Variants in STRN3 observed in about 807,000 individuals in gnomAD.
The protein encoded by STRN3 is striatin 3, also known as striatin-3.
Under a neutral mutation model 95.6 loss-of-function variants are expected in STRN3, and 29 were observed. That is an observed-to-expected ratio of 0.30 (90% CI 0.23 to 0.41). The LOEUF (loss-of-function observed/expected upper bound fraction) is 0.41. Ranked by LOEUF, STRN3 falls within the 10% of genes least tolerant of loss-of-function variation. The pLI is 1.00. For synonymous variants in STRN3, 331 were observed against 357.6 expected (o/e 0.93, Z 0.84); for missense variants, 890 against 972.1 (o/e 0.92, Z 1.12).
chr14:30,966,341 A>T (rs544784605), intron 1 of STRN3, among the ~76,000 whole-genome samples: 1 of 152,224 alleles, frequency 6.6e-6, no homozygotes, highest in African/African-American at 2.4e-5. Context: ...TTAAAAAGAA[A>T]ATTTTATATC....
Position 30,906,923 on chromosome 14 carries a change from A to C in STRN3, c.1842T>G (p.Asn614Lys). The C allele has an allele frequency of 6.2e-7, 1 of 1,613,534 alleles. No homozygotes were observed. Among genetic ancestry groups the C allele is most frequent in the East Asian group, 2.2e-5 (1 of 44,824 alleles). Reference sequence around the variant, plus strand: ...AAATACATGGCAATTTTTCTTGTGGATTCCATAACCTAACAGTGCCATCTG... The same window carrying C: ...AAATACATGGCAATTTTTCTTGTGGCTTCCATAACCTAACAGTGCCATCTG... ...CSADGTVRLW[N>K]PQEKLPCICT... The change falls in exon 14 of 18, where the codon AAT becomes AAG. Residue 614 changes from asparagine (N) to lysine (K), a missense_variant. Around this residue, in one of 3 missense-constraint regions of STRN3, gnomAD observed 357 missense variants for 422.8 expected, o/e 0.84. Transcript: ENST00000357479.
intron 3 of STRN3, among the ~76,000 whole-genome samples, chr14:30,952,701 A>G (rs1879708999): frequency 6.6e-6 from 1 of 152,190 alleles, no homozygotes; most frequent in Non-Finnish European, 1.5e-5. Context: ...CTCTGTCTCA[A>G]AAAAAACCAA....
chr14:30,997,000 A>G (rs184366096), intron 1 of STRN3, among the ~76,000 whole-genome samples: 3 of 152,312 alleles, frequency 2.0e-5, no homozygotes, highest in Non-Finnish European at 4.4e-5. Context: ...CAAGAGGCGA[A>G]AGTAATAGAC....
intron 5 of STRN3, among the ~76,000 whole-genome samples, chr14:30,944,489 TAC>T (rs986525510): frequency 6.7e-6 from 1 of 148,516 alleles, no homozygotes; most frequent in East Asian, 2.0e-4. Context: ...ACATAATATA[TAC>T]ACATATATAT....
At chr14:30,897,488 G>A (rs1011572351) in intron 16 of STRN3, among the ~76,000 whole-genome samples, 4 of 152,152 alleles carry the variant, frequency 2.6e-5, no homozygotes, top group Admixed American at 2.0e-4. Context: ...GGGAGGCTGA[G>A]ACAGGAGAAT....
chr14:31,011,241 T>C lies in STRN3; in HGVS notation c.282+14663A>G, dbSNP rs74041102. 3.8e-3 allele frequency among the ~76,000 whole-genome samples: 578 copies of C among 152,296 alleles called. 2 individuals are homozygous for C. The highest frequency in any genetic ancestry group is 0.013 in the African/African-American group (543 of 41,558). On this transcript the variant is annotated intron_variant, in intron 1 of 17. Transcript: ENST00000357479. Reference sequence around the variant, plus strand: ...CCGGTGGACTTTTTCTCCTAGTATATACACACCACAGAAATTGTAAGTCAA... The same window carrying C: ...CCGGTGGACTTTTTCTCCTAGTATACACACACCACAGAAATTGTAAGTCAA...
chr14:30,966,082 C>T (rs1880486412), intron 1 of STRN3, among the ~76,000 whole-genome samples: 1 of 150,722 alleles, frequency 6.6e-6, no homozygotes, highest in South Asian at 2.1e-4. Flanking sequence ...GCCCTGACCC[C>T]CGCCAAAGCA....
intron 15 of STRN3, among the ~76,000 whole-genome samples, chr14:30,904,305 G>A (rs1022147047): frequency 1.3e-5 from 2 of 152,150 alleles, no homozygotes; most frequent in African/African-American, 4.8e-5. Flanking sequence ...GCCCCACTGA[G>A]TAAGCCCCAC....
intron 3 of STRN3, among the ~76,000 whole-genome samples, chr14:30,952,121 C>CAA (rs147057592): frequency 0.21 from 30,947 of 147,742 alleles, 3,292 homozygotes; most frequent in Middle Eastern, 0.25. Flanking sequence ...CTGTCTTAAA[C>CAA]AACAAAAAAA....
At chr14:30,931,554 C>T (rs1878538532) in intron 7 of STRN3, among the ~76,000 whole-genome samples, 2 of 152,118 alleles carry the variant, frequency 1.3e-5, no homozygotes, top group African/African-American at 4.8e-5. Flanking sequence ...AATACTCATA[C>T]TTTATCAATT....
chr14:30,966,389 A>G (rs1447908552), intron 1 of STRN3, among the ~76,000 whole-genome samples: 2 of 152,208 alleles, frequency 1.3e-5, no homozygotes, highest in African/African-American at 4.8e-5. Context: ...AACTTTACAT[A>G]TAACAATGTG....
intron 4 of STRN3, among the ~76,000 whole-genome samples, chr14:30,947,574 C>T (rs1451356641): frequency 6.6e-6 from 1 of 151,948 alleles, no homozygotes; most frequent in Non-Finnish European, 1.5e-5. Flanking sequence ...AATTTCCATA[C>T]ACACAACCAC....
intron 1 of STRN3, among the ~76,000 whole-genome samples, chr14:30,974,633 T>C (rs1023017669): frequency 3.4e-5 from 4 of 116,056 alleles, no homozygotes; most frequent in Admixed American, 1.7e-4. Flanking sequence ...ACCTTGAAAA[T>C]GATGAATAAA....
At chr14:30,990,844 C>A (rs1881919748) in intron 1 of STRN3, among the ~76,000 whole-genome samples, 1 of 152,068 alleles carries the variant, frequency 6.6e-6, no homozygotes, top group Non-Finnish European at 1.5e-5. Context: ...TTATATTATA[C>A]TGTTTAGGGA....
intron 1 of STRN3, among the ~76,000 whole-genome samples, chr14:31,013,872 A>ATTT (rs1883096431): frequency 2.3e-5 from 1 of 44,148 alleles, no homozygotes. Context: ...TTTTATTATT[A>ATTT]TTATTATTAT....
At chr14:30,955,752 TTA>T (rs1879871595) in intron 2 of STRN3, 59 bp from the exon 3 acceptor site, 3 of 1,355,530 alleles carry the variant, frequency 2.2e-6, no homozygotes, top group Non-Finnish European at 3.0e-6. Context: ...CACTCTTGCT[TTA>T]TATTACTCCA....
At chr14:30,973,426 C>T (rs951222574) in intron 1 of STRN3, among the ~76,000 whole-genome samples, 22 of 151,866 alleles carry the variant, frequency 1.4e-4, no homozygotes, top group Non-Finnish European at 3.1e-4. Context: ...AGAGGAGAGA[C>T]TCAAATTACT....
chr14:30,974,285 T>C (rs12587420), intron 1 of STRN3, among the ~76,000 whole-genome samples: 1 of 151,950 alleles, frequency 6.6e-6, no homozygotes, highest in African/African-American at 2.4e-5. Flanking sequence ...ACACTAACAA[T>C]GAACAATCTG....
At position 30,919,104 on chromosome 14, in the gene STRN3, C is replaced by T. The variant is rs767403504; in HGVS notation, c.1102G>A (p.Ala368Thr). Reference protein sequence around the residue: ...ERKGKKGVKRANRTKLYDMIA... With the variant: ...ERKGKKGVKRTNRTKLYDMIA... ...ATGTCGTAGAGTTTTGTCCTGTTGG[C>T]CCCTGTAAATTAATGTCAGCAGTAG... Residue 368 changes from alanine (A) to threonine (T), a missense_variant and splice_region_variant, in exon 9 of 18, where the codon GCC becomes ACC. By Grantham distance (58) the Ala-to-Thr change is moderately conservative (BLOSUM62 0). This residue lies in a region of STRN3 where 526 missense variants were observed against 526.3 expected (regional missense o/e 1.00). Coordinates refer to ENST00000357479, the MANE Select transcript of STRN3 (RefSeq NM_001083893.2). 3.1e-6 allele frequency: 5 copies of T among 1,600,448 alleles called. No homozygotes were observed. The African/African-American group carries it at 4.0e-5, about 13-fold the overall frequency.
Sources: gnomAD v4.1 joint callset for allele counts (sites outside exome capture counted in the v4.1 genomes callset) on GRCh38, gnomAD v4.1.1 for gene constraint, gnomAD v4.1.1 regional missense constraint, MANE v1.5 for transcripts, NCBI Gene and HGNC (gene_info 2026-07-23, HGNC 2026-07-21) for gene names.